Variants in MON2 observed in about 807,000 individuals in gnomAD.
MON2 encodes the protein MON2 regulator of endosome-to-Golgi trafficking.
Under a neutral mutation model 208.6 loss-of-function variants are expected in MON2, and 84 were observed. The ratio of observed to expected loss-of-function variants is 0.40; its 90% CI spans 0.34 to 0.48. MON2 has a LOEUF of 0.48. Ranked by LOEUF, MON2 falls within the 20% of genes least tolerant of loss-of-function variation. MON2 has a pLI of 0.59. For missense variants in MON2, 1,611 were observed against 2,015.4 expected (o/e 0.80, Z 3.84); for synonymous variants, 660 against 694.0 (o/e 0.95, Z 0.77).
rs2075466561 is a variant in MON2 at position 62,593,881 on chromosome 12, A to G, written c.*1132A>G. 1.3e-5 allele frequency: 2 copies of G among 152,168 alleles called. No individual in the cohort carries two copies. Among genetic ancestry groups the G allele is most frequent in the Non-Finnish European group, 2.9e-5 (2 of 68,002 alleles). The allele number at this position is 152,168 out of a possible 1,614,324, so 9.4% of individuals were successfully genotyped here. On this transcript the variant is annotated 3_prime_UTR_variant, in exon 35 of 35. Transcript: ENST00000393630. Reference sequence around the variant, plus strand: ...ATATGTGTGTATTATAAAACAATGAAAAGTGTATTTTTGGAGATAGTCAAG... The same window carrying G: ...ATATGTGTGTATTATAAAACAATGAGAAGTGTATTTTTGGAGATAGTCAAG...
intron 32 of MON2, among the ~76,000 whole-genome samples, 173 bp from the exon 33 acceptor site, chr12:62,585,121 A>C (rs2075176758): frequency 7.3e-6 from 1 of 137,038 alleles, no homozygotes; most frequent in Non-Finnish European, 1.6e-5. Context: ...AAAACAAAAA[A>C]AAACAAAAAA....
chr12:62,578,626 T>A, intron 31 of MON2, 121 bp downstream of exon 31: 1 of 621,022 alleles, frequency 1.6e-6, no homozygotes, highest in Non-Finnish European at 2.7e-6. Context: ...CTGAAAGCAT[T>A]AAAACTCTTA....
chr12:62,538,045 CT>C, intron 16 of MON2, 50 bp from the exon 17 acceptor site: 1 of 1,505,862 alleles, frequency 6.6e-7, no homozygotes. Flanking sequence ...GTTATTGGAC[CT>C]TTTATACTTT....
In MON2 at chr12:62,466,970, T is replaced by A; in HGVS notation, c.-238T>A. 6.9e-6 allele frequency: 3 copies of A among 432,954 alleles called. No individual in the cohort carries two copies. The highest frequency in any genetic ancestry group is 5.5e-5 in the South Asian group (1 of 18,312). 26.8% of individuals were successfully genotyped at this position (432,954 alleles called of 1,614,324 possible). On this transcript the variant is annotated 5_prime_UTR_variant, in exon 1 of 35. Coordinates refer to ENST00000393630, the MANE Select transcript of MON2 (RefSeq NM_015026.3). ...CGCCTTGTGGGTTTCTCGGCCAGAG[T>A]CGGCGGAGCCTAGCGGGACGGTGCG...
At chr12:62,530,623 CT>C (rs1321183262) in intron 11 of MON2, among the ~76,000 whole-genome samples, 1 of 152,110 alleles carries the variant, frequency 6.6e-6, no homozygotes, top group Non-Finnish European at 1.5e-5. Flanking sequence ...TATGGAATCA[CT>C]TTTTTTAAGT....
chr12:62,481,985 A>G (rs528897382), intron 1 of MON2, among the ~76,000 whole-genome samples: 2 of 152,348 alleles, frequency 1.3e-5, no homozygotes, highest in South Asian at 4.1e-4. Context: ...TGTCTGCTGA[A>G]TGATGACTGG....
intron 29 of MON2, among the ~76,000 whole-genome samples, chr12:62,570,523 G>C (rs1022702176): frequency 6.6e-5 from 10 of 151,942 alleles, no homozygotes; most frequent in Non-Finnish European, 1.2e-4. Context: ...TGCATCATTA[G>C]GCCGTTTCAT....
At chr12:62,494,361 C>T (rs2070352256) in intron 3 of MON2, among the ~76,000 whole-genome samples, 1 of 152,106 alleles carries the variant, frequency 6.6e-6, no homozygotes, top group African/African-American at 2.4e-5. Context: ...GCGTGACTCT[C>T]TTTCCTAGAT....
At position 62,495,439 on chromosome 12, in the gene MON2, G is replaced by A. The variant is rs79153621; in HGVS notation, c.435+292G>A. On this transcript the variant is annotated intron_variant, in intron 4 of 34. Coordinates refer to ENST00000393630, the MANE Select transcript of MON2 (RefSeq NM_015026.3). ...CCAAGAGTAAGAATAGGGAAGGAGG[G>A]AACTAAGAAAAAAAAAACATGTTGT... Among the ~76,000 whole-genome samples the A allele has an allele frequency of 4.5e-3, 677 of 151,452 alleles. 6 individuals are homozygous for A. The highest frequency in any genetic ancestry group is 0.016 in the African/African-American group (656 of 41,312).
intron 14 of MON2, among the ~76,000 whole-genome samples, chr12:62,536,694 G>GTT (rs796857487): frequency 0.042 from 5,871 of 140,046 alleles, 419 homozygotes; most frequent in African/African-American, 0.14. Context: ...GTGTTTTTTT[G>GTT]TTTTTTTTTT....
rs978939801 is a variant in MON2 at position 62,599,464 on chromosome 12, C to T, written c.*6715C>T. On this transcript the variant is annotated 3_prime_UTR_variant, in exon 35 of 35. Coordinates refer to ENST00000393630, the MANE Select transcript of MON2 (RefSeq NM_015026.3). ...ATAAAACAAGAATTTGTACGTTACTCAGTGTGTACTGCAGTCAGATATAGT... is the reference window on the plus strand; with the variant it reads ...ATAAAACAAGAATTTGTACGTTACTTAGTGTGTACTGCAGTCAGATATAGT... 3.3e-5 allele frequency: 5 copies of T among 152,140 alleles called. No homozygotes were observed. In the East Asian group the frequency reaches 7.7e-4, roughly 23 times the overall value. 9.4% of individuals were successfully genotyped at this position (152,140 alleles called of 1,614,324 possible).
intron 2 of MON2, among the ~76,000 whole-genome samples, chr12:62,485,245 G>A (rs959193063): frequency 1.3e-5 from 2 of 152,136 alleles, no homozygotes; most frequent in Non-Finnish European, 2.9e-5. Context: ...TTCCAGTAGT[G>A]CTGTTGATCT....
chr12:62,482,036 GC>G (rs1367141107), intron 1 of MON2, among the ~76,000 whole-genome samples: 1 of 152,158 alleles, frequency 6.6e-6, no homozygotes, highest in East Asian at 1.9e-4. Context: ...GTCACTCTAG[GC>G]CACTACTGGT....
rs533598169 is a variant in MON2 at position 62,562,772 on chromosome 12, T to A, written c.4032+1659T>A. On this transcript the variant is annotated intron_variant, in intron 26 of 34. Coordinates refer to ENST00000393630, the MANE Select transcript of MON2 (RefSeq NM_015026.3). ...CTAAGAGATAAACTGATTTCTGATA[T>A]CATGTTTTCTTTCTAAAGGGGAGCA... Among the ~76,000 whole-genome samples the A allele has an allele frequency of 1.2e-4, 19 of 152,286 alleles. No individual in the cohort carries two copies. In the South Asian group the frequency reaches 3.3e-3, roughly 27 times the overall value.
intron 8 of MON2, among the ~76,000 whole-genome samples, chr12:62,522,193 A>G (rs1171787402): frequency 1.3e-5 from 2 of 151,040 alleles, no homozygotes; most frequent in African/African-American, 4.9e-5. Flanking sequence ...TCAAAAGAGA[A>G]AAAAAAAAGA....
At chr12:62,493,863 CTTAA>C (rs773473577) in intron 2 of MON2, 48 bp from the exon 3 acceptor site, 28 of 1,291,986 alleles carry the variant, frequency 2.2e-5, no homozygotes, top group South Asian at 3.6e-5. Flanking sequence ...AAAATGCATT[CTTAA>C]TTATAGATTA....
chr12:62,481,345 T>C (rs11609042), intron 1 of MON2, among the ~76,000 whole-genome samples: 1 of 151,952 alleles, frequency 6.6e-6, no homozygotes, highest in African/African-American at 2.4e-5. Flanking sequence ...GCTAACATGG[T>C]GAAACCTCGT....
intron 8 of MON2, among the ~76,000 whole-genome samples, chr12:62,509,356 C>T (rs1384607914): frequency 6.6e-6 from 1 of 152,094 alleles, no homozygotes; most frequent in Non-Finnish European, 1.5e-5. Context: ...CTCAGGTGAT[C>T]CACCCGCCTC....
chr12:62,483,822 G>T (rs2069596377), intron 1 of MON2, among the ~76,000 whole-genome samples: 1 of 152,184 alleles, frequency 6.6e-6, no homozygotes, highest in African/African-American at 2.4e-5. Context: ...TGGGGAAAAG[G>T]AGCCTAATTA....
Sources: allele counts gnomAD v4.1 joint callset (sites outside exome capture counted in the v4.1 genomes callset), GRCh38; gene constraint gnomAD v4.1.1; transcripts MANE v1.5; gene names NCBI Gene and HGNC (gene_info 2026-07-23, HGNC 2026-07-21).